ANAPC1: variants seen among roughly 807,000 people sequenced by gnomAD.
ANAPC1 encodes anaphase promoting complex subunit 1, also known as anaphase-promoting complex subunit 1.
In ANAPC1, 36 loss-of-function variants were observed where a neutral mutation model predicts 208.0. The observed-to-expected ratio is 0.17, with a 90% CI of 0.13 to 0.23. The LOEUF (loss-of-function observed/expected upper bound fraction) is 0.23. ANAPC1 is among the 10% of genes least tolerant of loss of function. ANAPC1 has a pLI of 1.00. For missense variants in ANAPC1, 942 were observed against 2,011.6 expected, an observed-to-expected ratio of 0.47 and a Z score of 10.17; for synonymous variants, 378 against 695.2, an observed-to-expected ratio of 0.54 and a Z score of 7.18.
At chr2:111,823,050 C>T (rs1265364560) in intron 24 of ANAPC1, among the ~76,000 whole-genome samples, 1 of 122,894 alleles carries the variant, frequency 8.1e-6, no homozygotes, top group Non-Finnish European at 1.6e-5. Context: ...CGCTCTGTCG[C>T]CCAGGATGGA....
chr2:111,867,947 TAA>T (rs1491234062), intron 7 of ANAPC1, 74 bp downstream of exon 7: 9 of 887,136 alleles, frequency 1.0e-5, no homozygotes. Context: ...AGTTTTCATA[TAA>T]GCGCCTTTAT....
intron 16 of ANAPC1, among the ~76,000 whole-genome samples, chr2:111,846,191 G>A (rs537228742): frequency 6.6e-6 from 1 of 151,974 alleles, no homozygotes; most frequent in South Asian, 2.1e-4. Context: ...ACGTTTGTTG[G>A]CAAATCCCTT....
At chr2:111,774,066 G>A (rs1370866282) in intron 46 of ANAPC1, among the ~76,000 whole-genome samples, 1 of 151,910 alleles carries the variant, frequency 6.6e-6, no homozygotes, top group Non-Finnish European at 1.5e-5. Context: ...TTCTGTTCTA[G>A]GTAGAAATAG....
chr2:111,799,936 T>TAGTC (rs200903565), intron 34 of ANAPC1, among the ~76,000 whole-genome samples: 21,391 of 99,854 alleles, frequency 0.21, 5,862 homozygotes, highest in East Asian at 0.25. Flanking sequence ...GTCTATGTGT[T>TAGTC]AGTCAAATCT....
intron 10 of ANAPC1, among the ~76,000 whole-genome samples, chr2:111,859,884 G>A (rs1402273423): frequency 6.6e-6 from 1 of 152,042 alleles, no homozygotes; most frequent in African/African-American, 2.4e-5. Context: ...CTTGAGTATA[G>A]TCCGTATAGC....
chr2:111,799,941 A>AGTC (rs1678360791), intron 34 of ANAPC1, among the ~76,000 whole-genome samples: 1 of 104,306 alleles, frequency 9.6e-6, no homozygotes, highest in African/African-American at 3.4e-5. Context: ...TGTGTTAGTC[A>AGTC]AATCTTATCC....
intron 29 of ANAPC1, among the ~76,000 whole-genome samples, chr2:111,807,617 G>A (rs374702036): frequency 0.023 from 2,918 of 129,456 alleles, no homozygotes; most frequent in African/African-American, 0.067. Flanking sequence ...GCGTGAACCC[G>A]GGAGGCGGAG....
chr2:111,834,526 T>C lies in ANAPC1; in HGVS notation c.2384+78A>G, dbSNP rs73956893. 7.0e-3 allele frequency: 5,933 copies of C among 846,044 alleles called. 618 individuals carry two copies. In the African/African-American group the frequency reaches 0.09, roughly 13 times the overall value. The allele number at this position is 846,044 out of a possible 1,614,324, so 52.4% of individuals were successfully genotyped here. On this transcript the variant is annotated intron_variant, in intron 19 of 47. Coordinates refer to ENST00000341068, the MANE Select transcript of ANAPC1 (RefSeq NM_022662.4). ...CAGAAACTTATTTACAAGGTCCCTA[T>C]ATGATACAAGGTTCCTATATGGAAA...
chr2:111,840,872 G>A (rs571181097), intron 17 of ANAPC1, among the ~76,000 whole-genome samples: 4 of 152,186 alleles, frequency 2.6e-5, no homozygotes, highest in African/African-American at 4.8e-5. Context: ...GCAAAACCCC[G>A]TCTCTACTAA....
chr2:111,825,333 G>T (rs1352058249), intron 22 of ANAPC1, among the ~76,000 whole-genome samples, 166 bp from the exon 23 acceptor site: 1 of 152,122 alleles, frequency 6.6e-6, no homozygotes, highest in Non-Finnish European at 1.5e-5. Flanking sequence ...AAGGCCCTCA[G>T]AATACTCAGG....
At chr2:111,835,122 T>C (rs1558704721) in intron 18 of ANAPC1, among the ~76,000 whole-genome samples, 1 of 152,010 alleles carries the variant, frequency 6.6e-6, no homozygotes, top group African/African-American at 2.4e-5. Context: ...AGGAAAGACA[T>C]TGGGAGAAGA....
At chr2:111,788,909 C>T (rs1181442374) in intron 38 of ANAPC1, among the ~76,000 whole-genome samples, 1 of 151,700 alleles carries the variant, frequency 6.6e-6, no homozygotes, top group African/African-American at 2.4e-5. Context: ...GAGGCCGAGG[C>T]GGGCGGATCA....
At chr2:111,792,875 C>G (rs1573336511) in intron 37 of ANAPC1, among the ~76,000 whole-genome samples, 4 of 152,128 alleles carry the variant, frequency 2.6e-5, no homozygotes, top group Admixed American at 2.6e-4. Flanking sequence ...ATGGCGTGAA[C>G]CCGGGGTGCG....
rs11901487 is a variant in ANAPC1 at position 111,779,799 on chromosome 2, C to T, written c.5289+500G>A. The T allele has an allele frequency of 1.7e-3, 356 of 207,100 alleles. 1 individual carries two copies. The highest frequency in any genetic ancestry group is 7.6e-3 in the African/African-American group (318 of 41,856). 12.8% of individuals were successfully genotyped at this position (207,100 alleles called of 1,614,324 possible). The stretch of plus-strand genomic sequence containing the variant: ...TCAAGGATGCAGTGAGCCATGATCA[C>T]GTCACTGCACTCCAGCCTGGGCAAC... On this transcript the variant is annotated intron_variant, in intron 44 of 47. Transcript: ENST00000341068.
intron 21 of ANAPC1, among the ~76,000 whole-genome samples, chr2:111,827,329 T>C (rs1011451351): frequency 1.3e-5 from 2 of 152,206 alleles, no homozygotes; most frequent in African/African-American, 4.8e-5. Flanking sequence ...CTCTATTAAA[T>C]GAGAAAACAT....
intron 39 of ANAPC1, among the ~76,000 whole-genome samples, chr2:111,786,841 CA>C (rs1677580438): frequency 7.4e-6 from 1 of 135,438 alleles, no homozygotes; most frequent in East Asian, 2.2e-4. Context: ...ATGACACTAA[CA>C]AATTACATAA....
chr2:111,824,857 C>G (rs1679744124), intron 24 of ANAPC1, 109 bp downstream of exon 24: 1 of 1,146,648 alleles, frequency 8.7e-7, no homozygotes, highest in African/African-American at 1.5e-5. Context: ...TAATCTCAAT[C>G]TTGTGAGGCC....
At chr2:111,854,581 A>G (rs1681597934) in intron 13 of ANAPC1, among the ~76,000 whole-genome samples, 1 of 152,212 alleles carries the variant, frequency 6.6e-6, no homozygotes, top group South Asian at 2.1e-4. Flanking sequence ...TGTTTAGTGT[A>G]GCCACCTGCA....
rs138768312 is a variant in ANAPC1, at chr2:111,831,353, T to C, written c.2558A>G (p.Lys853Arg). Residue 853 changes from lysine to arginine, a missense_variant, in exon 21 of 48, where the codon AAG (lysine) becomes AGG (arginine). Coordinates refer to ENST00000341068, the MANE Select transcript of ANAPC1 (RefSeq NM_022662.4). ...AGGATAAGGTGGCATTCCTTCACCC[T>C]TCAGACAAGAACTCACCCACTGATA... is the stretch of plus-strand genomic sequence containing the variant. The part of the protein sequence containing the change: ...SIYQWVSSCL[K>R]GEGMPPYPYL... 2.7e-5 allele frequency: 44 copies of C among 1,611,816 alleles called. No homozygotes were observed. The highest frequency in any genetic ancestry group is 3.6e-5 in the Non-Finnish European group (42 of 1,179,860).
Sources: allele counts gnomAD v4.1 joint callset (sites outside exome capture counted in the v4.1 genomes callset), GRCh38; gene constraint gnomAD v4.1.1; transcripts MANE v1.5; gene names NCBI Gene and HGNC (gene_info 2026-07-23, HGNC 2026-07-21).